Variants in PIAS1 observed in about 807,000 individuals in gnomAD.
The protein encoded by PIAS1 is E3 SUMO-protein ligase PIAS1.
PIAS1 carries 6 observed loss-of-function variants against 71.3 expected under a neutral mutation model. The ratio of observed to expected loss-of-function variants is 0.08; its 90% CI spans 0.05 to 0.17. The LOEUF (loss-of-function observed/expected upper bound fraction) is 0.17, where lower values mean the gene tolerates loss of function less well. Ranked by LOEUF, PIAS1 falls within the 10% of genes least tolerant of loss-of-function variation. The pLI, the probability that PIAS1 is intolerant of heterozygous loss-of-function variation, is 1.00. For synonymous variants in PIAS1, 303 were observed against 292.9 expected, an observed-to-expected ratio of 1.03 and a Z score of -0.35; for missense variants, 555 against 793.6, an observed-to-expected ratio of 0.70 and a Z score of 3.61.
chr15:68,091,943 G>A (rs1245567851), intron 2 of PIAS1, among the ~76,000 whole-genome samples: 2 of 152,172 alleles, frequency 1.3e-5, no homozygotes, highest in Non-Finnish European at 2.9e-5. Context: ...CCATGAAGTT[G>A]GAAAATTGTT....
intron 10 of PIAS1, 49 bp downstream of exon 10, chr15:68,175,816 C>G (rs1185912524): frequency 1.5e-6 from 2 of 1,348,952 alleles, no homozygotes; most frequent in South Asian, 3.6e-5. Context: ...TGCTCTAAGT[C>G]TGGTTTTCAA....
intron 6 of PIAS1, 46 bp downstream of exon 6, chr15:68,146,746 G>T (rs761830554): frequency 3.5e-6 from 5 of 1,408,584 alleles, no homozygotes; most frequent in Admixed American, 3.5e-5. Context: ...TATAAGGAGG[G>T]GTTAATCACC....
At chr15:68,175,025 AAC>A (rs2093013023) in intron 9 of PIAS1, among the ~76,000 whole-genome samples, 1 of 152,204 alleles carries the variant, frequency 6.6e-6, no homozygotes, top group African/African-American at 2.4e-5. Context: ...AAAATTGGAA[AAC>A]ACAGGAAAAT....
At position 68,054,455 on chromosome 15, in the gene PIAS1, C is replaced by A; in HGVS notation, c.24+105C>A. Reference sequence around the variant, plus strand: ...CTGGGGGGCCTCTCGGGCCTGACTCCACCCGGGCCTGGAGTTGTAGGGAGA... The same window carrying A: ...CTGGGGGGCCTCTCGGGCCTGACTCAACCCGGGCCTGGAGTTGTAGGGAGA... On this transcript the variant is annotated intron_variant, in intron 1 of 13. Coordinates refer to ENST00000249636, the MANE Select transcript of PIAS1 (RefSeq NM_016166.3). This position sits in a 1 kb window ranked among gnomAD's most constrained non-coding sequence, Gnocchi z 4.6. 8.0e-7 allele frequency: 1 copy of A among 1,252,948 alleles called. No homozygotes were observed. The highest frequency in any genetic ancestry group is 1.1e-6 in the Non-Finnish European group (1 of 884,906). 77.6% of individuals were successfully genotyped at this position (1,252,948 alleles called of 1,614,324 possible). A position where few individuals can be genotyped will look rare whatever the true frequency, so the allele number is the denominator to read the frequency against.
chr15:68,080,689 G>C (rs2092221044), intron 1 of PIAS1, among the ~76,000 whole-genome samples: 1 of 152,200 alleles, frequency 6.6e-6, no homozygotes, highest in Non-Finnish European at 1.5e-5. Context: ...TTGTTGTTGT[G>C]TGCAAGCTTT....
At chr15:68,130,200 A>T (rs1247479845) in intron 2 of PIAS1, among the ~76,000 whole-genome samples, 1 of 152,046 alleles carries the variant, frequency 6.6e-6, no homozygotes, top group Non-Finnish European at 1.5e-5. Context: ...ATAGGAAAAA[A>T]GGTGGAATTA....
chr15:68,132,956 T>C (rs1468743200), intron 2 of PIAS1, among the ~76,000 whole-genome samples: 1 of 151,930 alleles, frequency 6.6e-6, no homozygotes, highest in African/African-American at 2.4e-5. Flanking sequence ...TTAATTTCAG[T>C]TTATCCTTCT....
intron 5 of PIAS1, among the ~76,000 whole-genome samples, chr15:68,146,317 C>T (rs1461973657): frequency 1.3e-5 from 2 of 151,982 alleles, no homozygotes; most frequent in African/African-American, 4.8e-5. Context: ...ATGAATTCAT[C>T]CTGATTTTTA....
chr15:68,180,071 A>T (rs1288235112), intron 11 of PIAS1, among the ~76,000 whole-genome samples: 1 of 151,780 alleles, frequency 6.6e-6, no homozygotes, highest in African/African-American at 2.4e-5. Context: ...GGCTACTATA[A>T]TTGTTTTTCT....
chr15:68,153,750 A>G (rs1293165285), intron 7 of PIAS1, 55 bp downstream of exon 7: 2 of 919,134 alleles, frequency 2.2e-6, no homozygotes, highest in South Asian at 1.4e-5. Context: ...AGGTTAGAGT[A>G]GTATTTTCTC....
chr15:68,114,866 CTT>C (rs1320708549), intron 2 of PIAS1, among the ~76,000 whole-genome samples: 1 of 151,802 alleles, frequency 6.6e-6, no homozygotes, highest in Non-Finnish European at 1.5e-5. Flanking sequence ...TCTTTCTGCA[CTT>C]TTTATGTATT....
intron 6 of PIAS1, 33 bp from the exon 7 acceptor site, chr15:68,153,557 T>G: frequency 1.1e-6 from 1 of 951,334 alleles, no homozygotes; most frequent in Non-Finnish European, 1.7e-6. Context: ...TACTTACATA[T>G]GTTGTTTGTT....
chr15:68,154,217 G>A (rs945783648), intron 7 of PIAS1, among the ~76,000 whole-genome samples: 2 of 152,184 alleles, frequency 1.3e-5, no homozygotes, highest in African/African-American at 4.8e-5. Context: ...CTTCTGCGAA[G>A]TCTGGGTTCA....
intron 1 of PIAS1, among the ~76,000 whole-genome samples, chr15:68,059,984 C>A (rs1185328490): frequency 6.6e-6 from 1 of 152,104 alleles, no homozygotes; most frequent in Non-Finnish European, 1.5e-5. Flanking sequence ...TGTTCATTGT[C>A]ATACCTTTAT....
chr15:68,058,877 ACAC>A (rs922700549), intron 1 of PIAS1, among the ~76,000 whole-genome samples: 1 of 152,180 alleles, frequency 6.6e-6, no homozygotes, highest in African/African-American at 2.4e-5. Flanking sequence ...AAAAGATACA[ACAC>A]TGTTTTTTAT....
chr15:68,154,631 C>G (rs1360942051), intron 7 of PIAS1, among the ~76,000 whole-genome samples: 1 of 152,234 alleles, frequency 6.6e-6, no homozygotes, highest in Non-Finnish European at 1.5e-5. Context: ...AAAGATCCCA[C>G]TACCCCTGAA....
chr15:68,094,665 G>A (rs1262962134), intron 2 of PIAS1, among the ~76,000 whole-genome samples: 3 of 152,114 alleles, frequency 2.0e-5, no homozygotes, highest in African/African-American at 7.2e-5. Flanking sequence ...CAAGGACGCA[G>A]GCTCTGATAA....
chr15:68,061,749 T>C (rs2091961083), intron 1 of PIAS1, among the ~76,000 whole-genome samples: 1 of 152,240 alleles, frequency 6.6e-6, no homozygotes, highest in South Asian at 2.1e-4. Flanking sequence ...TATAAAAACT[T>C]TGAATGGCTT....
chr15:68,075,078 C>CTTTTTTTTTT (rs146114696), intron 1 of PIAS1, among the ~76,000 whole-genome samples: 17 of 81,784 alleles, frequency 2.1e-4, no homozygotes, highest in East Asian at 7.3e-4. Flanking sequence ...TTCTTTCTTT[C>CTTTTTTTTTT]TTTTTTTTTT....
Sources: allele counts gnomAD v4.1 joint callset (sites outside exome capture counted in the v4.1 genomes callset), GRCh38; gene constraint gnomAD v4.1.1; non-coding constraint Gnocchi (gnomAD v3.1); transcripts MANE v1.5; gene names NCBI Gene and HGNC (gene_info 2026-07-23, HGNC 2026-07-21).